CADM2: variants seen among roughly 807,000 people sequenced by gnomAD.
CADM2 encodes cell adhesion molecule 2.
CADM2 carries 12 observed loss-of-function variants against 49.8 expected under a neutral mutation model. The ratio of observed to expected loss-of-function variants is 0.24; its 90% CI spans 0.15 to 0.39. CADM2 has a LOEUF of 0.39. CADM2 is among the 10% of genes least tolerant of loss of function. The pLI, the probability that CADM2 is intolerant of heterozygous loss-of-function variation, is 1.00. For synonymous variants in CADM2, 214 were observed against 175.4 expected, an observed-to-expected ratio of 1.22 and a Z score of -1.74; for missense variants, 378 against 492.3, an observed-to-expected ratio of 0.77 and a Z score of 2.20.
At chr3:85,444,157 T>C (rs138326688) in intron 1 of CADM2, among the ~76,000 whole-genome samples, 264 of 152,240 alleles carry the variant, frequency 1.7e-3, no homozygotes, top group African/African-American at 5.9e-3. Flanking sequence ...ATAGAACTTG[T>C]ACTCTGACAT....
At chr3:85,125,736 C>A (rs956052835) in intron 1 of CADM2, among the ~76,000 whole-genome samples, 5 of 152,180 alleles carry the variant, frequency 3.3e-5, no homozygotes, top group South Asian at 2.1e-4. Context: ...TACTGCCTGC[C>A]AATAATTCAT....
chr3:84,989,099 C>A (rs2032749119), intron 1 of CADM2, among the ~76,000 whole-genome samples: 1 of 152,076 alleles, frequency 6.6e-6, no homozygotes, highest in Non-Finnish European at 1.5e-5. Flanking sequence ...AGACCAATTA[C>A]CTGTTTTGCT....
chr3:85,999,633 G>GAAAGAAAGAAAGAAAGGAAAGAAA (rs1729910665), intron 8 of CADM2, among the ~76,000 whole-genome samples: 1 of 138,560 alleles, frequency 7.2e-6, no homozygotes, highest in Non-Finnish European at 1.6e-5. Context: ...GAAAGAAGGA[G>GAAAGAAAGAAAGAAAGGAAAGAAA]AAAGAAAGAA....
intron 8 of CADM2, among the ~76,000 whole-genome samples, chr3:86,041,349 G>A (rs1375258785): frequency 1.3e-5 from 2 of 152,132 alleles, no homozygotes; most frequent in Non-Finnish European, 1.5e-5. Context: ...CTCACTTGCA[G>A]AGACACACAT....
Position 85,156,285 on chromosome 3 carries a change from A to C in CADM2, c.61+196617A>C, listed in dbSNP as rs2040118572. Among the ~76,000 whole-genome samples, 3 of 152,184 alleles carry C rather than the reference A, an allele frequency of 2.0e-5. No homozygotes were observed. In the South Asian group the frequency reaches 6.2e-4, roughly 32 times the overall value. ...AAATAGACGCAATAAAAACTGATAA[A>C]GGGGATATCACCACCGATCCCATAG... is the stretch of plus-strand genomic sequence containing the variant. On this transcript the variant is annotated intron_variant, in intron 1 of 9. Transcript: ENST00000383699.
At position 85,134,643 on chromosome 3, in the gene CADM2, T is replaced by C. The variant is rs191312689; in HGVS notation, c.61+174975T>C. On this transcript the variant is annotated intron_variant, in intron 1 of 9. Transcript: ENST00000383699. The stretch of plus-strand genomic sequence containing the variant: ...AGTCAAAATTCAAGTCTTTTTAAGA[T>C]GTCTTTTACTTGATAAGATTGTGGT... Among the ~76,000 whole-genome samples, 1,092 of 152,332 alleles carry C rather than the reference T, an allele frequency of 7.2e-3. 2 individuals carry two copies. Among genetic ancestry groups the C allele is most frequent in the Non-Finnish European group, 0.012 (798 of 68,014 alleles).
At chr3:85,140,296 C>A (rs1035503203) in intron 1 of CADM2, among the ~76,000 whole-genome samples, 9 of 152,082 alleles carry the variant, frequency 5.9e-5, no homozygotes, top group African/African-American at 2.2e-4. Flanking sequence ...AAATTAAATT[C>A]TTTCTTAACA....
intron 1 of CADM2, among the ~76,000 whole-genome samples, chr3:85,002,033 T>C (rs545663306): frequency 6.6e-6 from 1 of 152,238 alleles, no homozygotes; most frequent in South Asian, 2.1e-4. Flanking sequence ...TAAACCCATA[T>C]TTAAAAATTT....
intron 1 of CADM2, among the ~76,000 whole-genome samples, chr3:85,629,374 C>T (rs1234024544): frequency 6.6e-6 from 1 of 151,576 alleles, no homozygotes; most frequent in Non-Finnish European, 1.5e-5. Context: ...CTGGCAAAAC[C>T]TGATGATACG....
intron 8 of CADM2, among the ~76,000 whole-genome samples, chr3:86,020,812 A>C (rs1210177437): frequency 6.6e-6 from 1 of 152,160 alleles, no homozygotes; most frequent in African/African-American, 2.4e-5. Context: ...ATCTCTCAAT[A>C]AATTAGGTAT....
intron 1 of CADM2, among the ~76,000 whole-genome samples, chr3:85,436,430 A>T (rs1188708789): frequency 6.6e-6 from 1 of 152,018 alleles, no homozygotes; most frequent in South Asian, 2.1e-4. Flanking sequence ...CTTTTGCCTG[A>T]TTGCCCTGAA....
chr3:86,033,188 G>C (rs532891524), intron 8 of CADM2, among the ~76,000 whole-genome samples: 2 of 151,686 alleles, frequency 1.3e-5, no homozygotes, highest in Non-Finnish European at 2.9e-5. Context: ...CCACTCCACA[G>C]GACCACCTCA....
rs148595608 is a variant in CADM2 at position 85,643,197 on chromosome 3, G to A, written c.62-83325G>A. Among the ~76,000 whole-genome samples, 65 of 152,190 alleles carry A rather than the reference G, an allele frequency of 4.3e-4. No homozygotes were observed. The East Asian group carries it at 7.5e-3, about 18-fold the overall frequency. On this transcript the variant is annotated intron_variant, in intron 1 of 9. Coordinates refer to ENST00000383699, the MANE Select transcript of CADM2 (RefSeq NM_001167675.2). ...GTACCATGCTTGTTTAATGTAGCACGTATACTTCTTGGCTTAACATGGGCT... is the reference window on the plus strand; with the variant it reads ...GTACCATGCTTGTTTAATGTAGCACATATACTTCTTGGCTTAACATGGGCT...
At chr3:85,383,124 G>A (rs1037779745) in intron 1 of CADM2, among the ~76,000 whole-genome samples, 2 of 152,146 alleles carry the variant, frequency 1.3e-5, no homozygotes, top group African/African-American at 2.4e-5. Flanking sequence ...CCTCCAAGCT[G>A]TAAACAATCC....
intron 1 of CADM2, among the ~76,000 whole-genome samples, chr3:85,099,117 C>T (rs1373132673): frequency 1.3e-5 from 2 of 152,024 alleles, no homozygotes; most frequent in East Asian, 3.9e-4. Context: ...CTAGAACTCC[C>T]CAAAAGCACA....
At chr3:85,668,013 A>G (rs1320547995) in intron 1 of CADM2, among the ~76,000 whole-genome samples, 2 of 152,022 alleles carry the variant, frequency 1.3e-5, no homozygotes, top group Non-Finnish European at 2.9e-5. Flanking sequence ...AACATTGTTG[A>G]CTCATAGTAG....
intron 1 of CADM2, among the ~76,000 whole-genome samples, chr3:85,685,586 A>G (rs957389816): frequency 1.3e-5 from 2 of 150,064 alleles, no homozygotes; most frequent in African/African-American, 4.9e-5. Flanking sequence ...ACACTGTACA[A>G]TTGAACAATT....
At chr3:85,188,858 C>T (rs1178112377) in intron 1 of CADM2, among the ~76,000 whole-genome samples, 1 of 151,646 alleles carries the variant, frequency 6.6e-6, no homozygotes, top group East Asian at 2.0e-4. Flanking sequence ...GGTGAAACCC[C>T]GTCTCTACTA....
intron 1 of CADM2, among the ~76,000 whole-genome samples, chr3:85,014,228 G>T (rs780137786): frequency 6.7e-6 from 1 of 148,844 alleles, no homozygotes; most frequent in Non-Finnish European, 1.5e-5. Flanking sequence ...TCATATATAC[G>T]CAGTGTAATA....
Sources: allele counts gnomAD v4.1 joint callset (sites outside exome capture counted in the v4.1 genomes callset), GRCh38; gene constraint gnomAD v4.1.1; transcripts MANE v1.5; gene names NCBI Gene and HGNC (gene_info 2026-07-23, HGNC 2026-07-21).